Variants in PRSS23 observed in about 807,000 individuals in gnomAD.
The protein encoded by PRSS23 is protease, serine 23.
In PRSS23, 25 loss-of-function variants were observed where a neutral mutation model predicts 34.7. The ratio of observed to expected loss-of-function variants is 0.72; its 90% CI spans 0.53 to 1.01. The LOEUF (loss-of-function observed/expected upper bound fraction) is 1.01. Among genes scored for constraint, PRSS23 ranks in the 50% least tolerant of loss-of-function variants. The pLI is 0.00. For synonymous variants in PRSS23, 176 were observed against 186.6 expected (o/e 0.94, Z 0.46); for missense variants, 445 against 475.6 (o/e 0.94, Z 0.60).
chr11:86,921,617 T>C (rs1169713503), intron 2 of PRSS23: 1 of 152,236 alleles, frequency 6.6e-6, no homozygotes, highest in African/African-American at 2.4e-5. Context: ...CATCATCTAC[T>C]CTTGCCCAGT....
intron 2 of PRSS23, among the ~76,000 whole-genome samples, chr11:86,848,661 G>A (rs1022348909): frequency 5.9e-5 from 9 of 152,270 alleles, no homozygotes; most frequent in Middle Eastern, 3.4e-3. Context: ...CCTAAGAAGC[G>A]GCCGATATTA....
chr11:86,937,833 A>T (rs1949175077), intron 2 of PRSS23: 1 of 152,146 alleles, frequency 6.6e-6, no homozygotes, highest in South Asian at 2.1e-4. Flanking sequence ...ACTCGCCTTT[A>T]ATTCTTTCTT....
At chr11:86,878,687 C>T (rs558200918) in intron 2 of PRSS23, among the ~76,000 whole-genome samples, 4 of 152,106 alleles carry the variant, frequency 2.6e-5, no homozygotes, top group East Asian at 3.9e-4. Context: ...GCTGCCACCC[C>T]GTCTGGGAAG....
chr11:86,888,211 A>G (rs1948818329), intron 2 of PRSS23, among the ~76,000 whole-genome samples: 1 of 152,124 alleles, frequency 6.6e-6, no homozygotes, highest in Admixed American at 6.5e-5. Flanking sequence ...AGGGGAGGCA[A>G]CATTTGAACA....
intron 2 of PRSS23, chr11:86,950,893 T>C (rs187559867): frequency 7.0e-6 from 4 of 567,574 alleles, no homozygotes; most frequent in East Asian, 3.1e-5. Context: ...GTGATCAACG[T>C]TTTGATTTTT....
intron 2 of PRSS23, chr11:86,932,931 CAA>C (rs1949136064): frequency 6.6e-6 from 1 of 152,204 alleles, no homozygotes; most frequent in Admixed American, 6.5e-5. Context: ...CCTTCCATAT[CAA>C]AAGTGGACAA....
chr11:86,827,307 G>A (rs1376725135), intron 2 of PRSS23, among the ~76,000 whole-genome samples: 1 of 152,144 alleles, frequency 6.6e-6, no homozygotes, highest in Admixed American at 6.5e-5. Flanking sequence ...TTCTCTGATG[G>A]TAGTTTGTAT....
chr11:86,797,847 G>C (rs188678566), upstream of PRSS23, among the ~76,000 whole-genome samples: 17 of 152,262 alleles, frequency 1.1e-4, no homozygotes, highest in East Asian at 2.5e-3. Context: ...GAAAGTCCTG[G>C]TTTTACAGAG....
At chr11:86,846,033 AT>A (rs1948483538) in intron 2 of PRSS23, among the ~76,000 whole-genome samples, 1 of 152,082 alleles carries the variant, frequency 6.6e-6, no homozygotes, top group South Asian at 2.1e-4. Context: ...CACCACACAT[AT>A]TTCCTGCCTT....
chr11:86,928,302 T>A (rs2135012082), intron 2 of PRSS23, among the ~76,000 whole-genome samples: 1 of 148,274 alleles, frequency 6.7e-6, no homozygotes, highest in South Asian at 2.1e-4. Context: ...ATAAATATAC[T>A]TACATAAGTA....
rs537892297 is a variant in PRSS23 at position 86,939,919 on chromosome 11, T to C, written c.207-11297T>C. Among the ~76,000 whole-genome samples the C allele has an allele frequency of 1.3e-5, 2 of 152,288 alleles. 1 individual carries two copies. Among genetic ancestry groups the C allele is most frequent in the South Asian group, 4.1e-4 (2 of 4,830 alleles). ...GGCCCATGATATGGTTTTCTGTAGATCTGGTTAGGCAATTCACAGTAGTTA... is the reference window on the plus strand; with the variant it reads ...GGCCCATGATATGGTTTTCTGTAGACCTGGTTAGGCAATTCACAGTAGTTA... On this transcript the variant is annotated intron_variant, in intron 2 of 2. Transcript: ENST00000533902.
downstream of PRSS23, among the ~76,000 whole-genome samples, chr11:86,814,980 C>T (rs1020292016): frequency 3.9e-5 from 6 of 152,180 alleles, no homozygotes; most frequent in East Asian, 1.9e-4. Context: ...CCCTTGTCTT[C>T]GGGCTATTAA....
intron 2 of PRSS23, among the ~76,000 whole-genome samples, chr11:86,862,083 C>T (rs773966312): frequency 2.6e-5 from 4 of 151,606 alleles, no homozygotes; most frequent in Admixed American, 1.3e-4. Flanking sequence ...TAATATTACT[C>T]GCAATATCGC....
At chr11:86,900,781 C>CTCTCTTTTTT (rs775258446) in intron 2 of PRSS23, among the ~76,000 whole-genome samples, 1 of 94,020 alleles carries the variant, frequency 1.1e-5, no homozygotes, top group Non-Finnish European at 1.9e-5. Flanking sequence ...ATCTCTCTCT[C>CTCTCTTTTTT]TTTTTTTTTT....
At chr11:86,874,036 G>A (rs1948706203) in intron 2 of PRSS23, among the ~76,000 whole-genome samples, 1 of 152,248 alleles carries the variant, frequency 6.6e-6, no homozygotes, top group African/African-American at 2.4e-5. Flanking sequence ...TGGAAAATGT[G>A]AGAGAAAATG....
At position 86,839,214 on chromosome 11, in the gene PRSS23, T is replaced by C. The variant is rs1382228977; in HGVS notation, c.206+15621T>C. Among the ~76,000 whole-genome samples, 4 of 152,282 alleles carry C rather than the reference T, an allele frequency of 2.6e-5. No homozygotes were observed. The East Asian group carries it at 7.7e-4, about 29-fold the overall frequency. ...AACTTCTCTGAGCTAAAGGAGCATG[T>C]TCTAACCAATCACAAGGAAGCTAAA... On this transcript the variant is annotated intron_variant, in intron 2 of 2. Coordinates refer to the PRSS23 transcript ENST00000533902.
chr11:86,837,811 C>G (rs1480837005), intron 2 of PRSS23, among the ~76,000 whole-genome samples: 1 of 152,092 alleles, frequency 6.6e-6, no homozygotes, highest in Non-Finnish European at 1.5e-5. Context: ...AACTGGAGAT[C>G]GCTTTTAAGA....
At chr11:86,935,888 A>T (rs980689817) in intron 2 of PRSS23, 2 of 152,186 alleles carry the variant, frequency 1.3e-5, no homozygotes, top group African/African-American at 4.8e-5. Context: ...TGATATAAAA[A>T]TATGAGGCCC....
At chr11:86,827,793 G>C (rs1046774648) in intron 2 of PRSS23, among the ~76,000 whole-genome samples, 176 of 152,310 alleles carry the variant, frequency 1.2e-3, no homozygotes, top group Non-Finnish European at 2.2e-3. Flanking sequence ...TTTCCATGTA[G>C]TTGAGTGGTT....
Sources: allele counts gnomAD v4.1 joint callset (sites outside exome capture counted in the v4.1 genomes callset), GRCh38; gene constraint gnomAD v4.1.1; transcripts MANE v1.5; gene names NCBI Gene and HGNC (gene_info 2026-07-23, HGNC 2026-07-21).